Variants in KCNN2 observed in about 807,000 individuals in gnomAD.
KCNN2 encodes small conductance calcium-activated potassium channel protein 2.
Under a neutral mutation model 55.5 loss-of-function variants are expected in KCNN2, and 24 were observed. The observed-to-expected ratio is 0.43, with a 90% CI of 0.31 to 0.61. KCNN2 has a LOEUF of 0.61. KCNN2 is among the 20% of genes least tolerant of loss of function. The pLI, the probability that KCNN2 is intolerant of heterozygous loss-of-function variation, is 0.08. For synonymous variants in KCNN2, 431 were observed against 336.1 expected, an observed-to-expected ratio of 1.28 and a Z score of -3.09; for missense variants, 754 against 853.6, an observed-to-expected ratio of 0.88 and a Z score of 1.45.
chr5:114,277,385 C>T (rs3101083), intron 2 of KCNN2, among the ~76,000 whole-genome samples: 136,584 of 152,196 alleles, frequency 0.9, 61,689 homozygotes, highest in East Asian at 0.94. Flanking sequence ...TGTTGGCCTG[C>T]CTTGCTAGGT....
In KCNN2 at chr5:114,209,131, A is replaced by G. The variant is rs187074150; in HGVS notation, c.-270-12349A>G. 1.9e-4 allele frequency among the ~76,000 whole-genome samples: 28 copies of G among 150,806 alleles called. No homozygotes were observed. The East Asian group carries it at 4.5e-3, about 24-fold the overall frequency. Reference sequence around the variant, plus strand: ...GAGTGCAGTGGCACAATCCTGGCTCACTGCAGCCTCACACTCCTGGCCTCA... The same window carrying G: ...GAGTGCAGTGGCACAATCCTGGCTCGCTGCAGCCTCACACTCCTGGCCTCA... On this transcript the variant is annotated intron_variant, in intron 1 of 10. Transcript: ENST00000512097.
intron 1 of KCNN2, among the ~76,000 whole-genome samples, chr5:114,152,455 A>C (rs940135071): frequency 6.6e-6 from 1 of 152,168 alleles, no homozygotes; most frequent in Non-Finnish European, 1.5e-5. Flanking sequence ...TGCAAATATA[A>C]TTTTTTATTA....
In KCNN2 at chr5:114,449,776, T is replaced by G. The variant is rs1232836778; in HGVS notation, c.1638-13273T>G. ...CCTTACAGATTTAAGAGATAAGATC[T>G]GGTCTTTGATCTTGAGAATCTCAGA... On this transcript the variant is annotated intron_variant, in intron 3 of 7. Transcript: ENST00000673685. 2.6e-5 allele frequency among the ~76,000 whole-genome samples: 4 copies of G among 152,086 alleles called. No individual in the cohort carries two copies. In the East Asian group the frequency reaches 7.7e-4, roughly 29 times the overall value.
At chr5:114,109,217 G>A (rs1003632391) in intron 1 of KCNN2, among the ~76,000 whole-genome samples, 4 of 152,092 alleles carry the variant, frequency 2.6e-5, no homozygotes, top group African/African-American at 9.7e-5. Context: ...GCTGGCAACT[G>A]TCTGAAGGCT....
intron 2 of KCNN2, among the ~76,000 whole-genome samples, chr5:114,340,681 TG>T (rs1757000895): frequency 6.6e-6 from 1 of 151,968 alleles, no homozygotes; most frequent in Non-Finnish European, 1.5e-5. Flanking sequence ...TGTGTGTGTG[TG>T]TGTGTGTGTG....
intron 1 of KCNN2, among the ~76,000 whole-genome samples, chr5:114,147,955 C>G (rs1314927843): frequency 6.6e-6 from 1 of 152,096 alleles, no homozygotes; most frequent in African/African-American, 2.4e-5. Context: ...ATTAATTCAT[C>G]TTTAGTAGGA....
chr5:114,452,716 T>G (rs1394478590), intron 3 of KCNN2, among the ~76,000 whole-genome samples: 2 of 152,176 alleles, frequency 1.3e-5, no homozygotes, highest in African/African-American at 4.8e-5. Context: ...CTTTTAACAC[T>G]TCCCAGGTGG....
intron 2 of KCNN2, among the ~76,000 whole-genome samples, chr5:114,341,360 T>TA (rs1757011675): frequency 6.6e-6 from 1 of 152,126 alleles, no homozygotes; most frequent in Non-Finnish European, 1.5e-5. Context: ...GGTGCATCTG[T>TA]AAAAAGGATA....
intron 3 of KCNN2, among the ~76,000 whole-genome samples, chr5:114,435,414 G>T (rs369955462): frequency 7.9e-5 from 12 of 151,724 alleles, no homozygotes; most frequent in African/African-American, 2.9e-4. Flanking sequence ...TTATTTTCTT[G>T]TTGTGAGGAT....
chr5:114,384,922 AAGTTATTCAG>A (rs1257511455), intron 2 of KCNN2, among the ~76,000 whole-genome samples: 8 of 152,198 alleles, frequency 5.3e-5, no homozygotes, highest in Non-Finnish European at 1.2e-4. Flanking sequence ...TTAAGTAAAA[AAGTTATTCAG>A]TTTCAAAAAT....
chr5:114,058,353 G>A (rs551712008), intron 1 of KCNN2, among the ~76,000 whole-genome samples: 11 of 152,170 alleles, frequency 7.2e-5, no homozygotes, highest in Non-Finnish European at 1.0e-4. Flanking sequence ...ACCTCAGATG[G>A]AGGAGAAACA....
rs1232272158 is a variant in KCNN2, at chr5:114,363,829, C to G, written c.1123-77C>G. On this transcript the variant is annotated intron_variant, in intron 1 of 7. Transcript: ENST00000673685. ...TGAGTTCAGGTCCACCTGTGGGGGA[C>G]TGACTGACTCTGGGGACGTGGAAGG... The G allele has an allele frequency of 5.0e-6, 5 of 994,750 alleles. No homozygotes were observed. In the East Asian group the frequency reaches 1.2e-4, roughly 24 times the overall value. 61.6% of individuals were successfully genotyped at this position (994,750 alleles called of 1,614,324 possible).
chr5:114,272,638 A>G (rs1755378975), intron 2 of KCNN2, among the ~76,000 whole-genome samples: 1 of 152,110 alleles, frequency 6.6e-6, no homozygotes, highest in South Asian at 2.1e-4. Context: ...GTAAATATTT[A>G]CTTCATAAAA....
At chr5:114,349,080 C>A (rs892271475) in intron 2 of KCNN2, among the ~76,000 whole-genome samples, 1 of 152,074 alleles carries the variant, frequency 6.6e-6, no homozygotes, top group East Asian at 1.9e-4. Flanking sequence ...TCTCCTTCCC[C>A]CCAGCCCAAG....
At chr5:114,406,890 T>C (rs1416843985) in intron 3 of KCNN2, among the ~76,000 whole-genome samples, 2 of 152,156 alleles carry the variant, frequency 1.3e-5, no homozygotes, top group Non-Finnish European at 2.9e-5. Flanking sequence ...CTTGCAGATA[T>C]GGGAGTCTTT....
chr5:114,386,181 T>TAAAA, intron 2 of KCNN2, among the ~76,000 whole-genome samples: 1 of 100,918 alleles, frequency 9.9e-6, no homozygotes, highest in Non-Finnish European at 1.9e-5. Flanking sequence ...AGACTCTGTC[T>TAAAA]AAAAAAAAAA....
At chr5:114,165,804 C>T (rs547012910) in intron 1 of KCNN2, among the ~76,000 whole-genome samples, 23 of 152,140 alleles carry the variant, frequency 1.5e-4, no homozygotes, top group South Asian at 1.5e-3. Context: ...GGCATTGGTA[C>T]GCCTTCTAGT....
intron 1 of KCNN2, among the ~76,000 whole-genome samples, chr5:114,186,139 G>A (rs1444824401): frequency 1.3e-5 from 2 of 152,172 alleles, no homozygotes. Flanking sequence ...AATCTTAAAT[G>A]TTATTTCTCA....
At chr5:114,355,649 T>G (rs1184773064) in intron 2 of KCNN2, among the ~76,000 whole-genome samples, 1 of 150,686 alleles carries the variant, frequency 6.6e-6, no homozygotes, top group Non-Finnish European at 1.5e-5. Flanking sequence ...AGGACAAGTC[T>G]GCCAGAGTAG....
Sources: gnomAD v4.1 joint callset for allele counts (sites outside exome capture counted in the v4.1 genomes callset) on GRCh38, gnomAD v4.1.1 for gene constraint, MANE v1.5 for transcripts, NCBI Gene and HGNC (gene_info 2026-07-23, HGNC 2026-07-21) for gene names.